ADAMTS5: variants seen among roughly 807,000 people sequenced by gnomAD.
ADAMTS5 encodes the protein ADAM metallopeptidase with thrombospondin type 1 motif 5, also known as A disintegrin and metalloproteinase with thrombospondin motifs 5.
Under a neutral mutation model 81.4 loss-of-function variants are expected in ADAMTS5, and 54 were observed. The ratio of observed to expected loss-of-function variants is 0.66; its 90% confidence interval spans 0.53 to 0.83. The LOEUF (loss-of-function observed/expected upper bound fraction) is 0.83, where lower values mean the gene tolerates loss of function less well. Ranked by LOEUF, ADAMTS5 falls within the 40% of genes least tolerant of loss-of-function variation. The pLI is 0.00. For missense variants in ADAMTS5, 1,194 were observed against 1,229.9 expected, an observed-to-expected ratio of 0.97 and a Z score of 0.44; for synonymous variants, 532 against 508.8, an observed-to-expected ratio of 1.05 and a Z score of -0.61.
At chr21:26,965,205 G>C in intron 1 of ADAMTS5, 83 bp downstream of exon 1, 4 of 1,521,912 alleles carry the variant, frequency 2.6e-6, no homozygotes, top group South Asian at 1.3e-5. Context: ...AGGTTTGAGG[G>C]AGAAGCAAAG....
intron 3 of ADAMTS5, among the ~76,000 whole-genome samples, chr21:26,939,999 C>T (rs1402163925): frequency 6.6e-6 from 1 of 152,172 alleles, no homozygotes; most frequent in East Asian, 1.9e-4. Flanking sequence ...GGTTTTTCAA[C>T]CATAACCTAA....
At chr21:26,949,258 T>A (rs140704436) in intron 2 of ADAMTS5, among the ~76,000 whole-genome samples, 1 of 151,580 alleles carries the variant, frequency 6.6e-6, no homozygotes, top group Non-Finnish European at 1.5e-5. Flanking sequence ...TGTGCAGTCA[T>A]GCTATCAAAG....
Position 26,924,431 on chromosome 21 carries a change from G to GACT in ADAMTS5, c.2412_2414dup (p.Val805dup). 6.2e-7 allele frequency: 1 copy of GACT among 1,614,212 alleles called. No individual in the cohort carries two copies. The highest frequency in any genetic ancestry group is 8.5e-7 in the Non-Finnish European group (1 of 1,180,042). ...TGTGGCTCCAACCGCTATAGTTCAT[G>GACT]ACTGTTCCATTGATGTCAATGATAG... On this transcript the variant is annotated inframe_insertion, in exon 8 of 8. Coordinates refer to ENST00000284987, the MANE Select transcript of ADAMTS5 (RefSeq NM_007038.5).
At position 26,966,868 on chromosome 21, in the gene ADAMTS5, C is replaced by T. The variant is rs1987697483; in HGVS notation, c.-477G>A. ...TGGAGGTTCCAAGCTCCGGGGCCCA[C>T]TTCCTTTCTTATTTTGTGGGTTTCC... On this transcript the variant is annotated 5_prime_UTR_variant, in exon 1 of 8. The change creates a new upstream start codon in the 5' untranslated region. Coordinates refer to ENST00000284987, the MANE Select transcript of ADAMTS5 (RefSeq NM_007038.5). Among the ~76,000 whole-genome samples the T allele has an allele frequency of 6.6e-6, 1 of 152,138 alleles. No individual in the cohort carries two copies. The highest frequency in any genetic ancestry group is 2.4e-5 in the African/African-American group (1 of 41,426).
At chr21:26,957,713 T>C (rs1392579354) in intron 1 of ADAMTS5, among the ~76,000 whole-genome samples, 1 of 152,182 alleles carries the variant, frequency 6.6e-6, no homozygotes, top group African/African-American at 2.4e-5. Flanking sequence ...ATATGAAGGT[T>C]GCAAAGGTTG....
chr21:26,935,317 G>T (rs183027851), intron 3 of ADAMTS5, among the ~76,000 whole-genome samples: 81 of 152,138 alleles, frequency 5.3e-4, no homozygotes, highest in Non-Finnish European at 8.5e-4. Flanking sequence ...ACAAGCATTT[G>T]TTCAGCACCT....
chr21:26,949,889 G>A (rs1030822739), intron 2 of ADAMTS5, among the ~76,000 whole-genome samples: 1 of 152,190 alleles, frequency 6.6e-6, no homozygotes, highest in Non-Finnish European at 1.5e-5. Flanking sequence ...CTGATTCTGT[G>A]TATTTGGATT....
chr21:26,951,992 A>G (rs1431591156), intron 2 of ADAMTS5, among the ~76,000 whole-genome samples: 3 of 152,196 alleles, frequency 2.0e-5, no homozygotes. Flanking sequence ...AGTGAAATTA[A>G]AGAATAATAA....
intron 3 of ADAMTS5, among the ~76,000 whole-genome samples, chr21:26,941,001 GTA>G (rs1308833446): frequency 1.3e-5 from 2 of 152,100 alleles, no homozygotes; most frequent in Non-Finnish European, 2.9e-5. Context: ...CTGAATCTGA[GTA>G]TGCTCTTTTG....
At chr21:26,963,864 C>T (rs1475803483) in intron 1 of ADAMTS5, among the ~76,000 whole-genome samples, 2 of 151,996 alleles carry the variant, frequency 1.3e-5, no homozygotes, top group Admixed American at 1.3e-4. Flanking sequence ...CAGCACTGCG[C>T]GCTGCTTGGC....
chr21:26,966,027 G>A lies in ADAMTS5; in HGVS notation c.365C>T (p.Ala122Val), dbSNP rs1460796146. The A allele has an allele frequency of 1.3e-5, 21 of 1,613,024 alleles. No individual in the cohort carries two copies. Among genetic ancestry groups the A allele is most frequent in the Non-Finnish European group, 1.8e-5 (21 of 1,179,886 alleles). ...GFVPAGGGTS[A>V]PWRHRSHCFY... ...GCAGTGGCTCCGGTGGCGCCAGGGC[G>A]CACTCGTCCCGCCTCCTGCGGGCAC... The change falls in exon 1 of 8, where the codon GCG (alanine) becomes GTG (valine). Residue 122 changes from alanine to valine, a missense_variant. Around this residue, in one of 2 missense-constraint regions of ADAMTS5, gnomAD observed 498 missense variants for 412.3 expected, o/e 1.21. Transcript: ENST00000284987.
chr21:26,938,826 C>T (rs554219676), intron 3 of ADAMTS5, among the ~76,000 whole-genome samples: 59 of 152,136 alleles, frequency 3.9e-4, no homozygotes, highest in Admixed American at 3.0e-3. Flanking sequence ...CCACCATGCC[C>T]GGTCTCAAAG....
chr21:26,945,197 T>A (rs1300380790), intron 2 of ADAMTS5, among the ~76,000 whole-genome samples: 5 of 151,810 alleles, frequency 3.3e-5, no homozygotes, highest in Non-Finnish European at 1.5e-5. Flanking sequence ...TAGAAATGAC[T>A]TAAAGTTACT....
At chr21:26,959,089 A>C (rs1987479564) in intron 1 of ADAMTS5, among the ~76,000 whole-genome samples, 1 of 152,194 alleles carries the variant, frequency 6.6e-6, no homozygotes, top group African/African-American at 2.4e-5. Flanking sequence ...TTTCTCTGAC[A>C]AATGTGAGGT....
chr21:26,947,414 ATTTTCTTT>A (rs936800877), intron 2 of ADAMTS5, among the ~76,000 whole-genome samples: 3 of 150,960 alleles, frequency 2.0e-5, no homozygotes, highest in East Asian at 2.0e-4. Flanking sequence ...AACTATATTT[ATTTTCTTT>A]TTTTCTTTTT....
intron 1 of ADAMTS5, among the ~76,000 whole-genome samples, chr21:26,960,273 C>T (rs75700354): frequency 0.018 from 2,744 of 152,246 alleles, 81 homozygotes; most frequent in African/African-American, 0.061. Context: ...CTACTTAGAC[C>T]AGAAGGTTCA....
chr21:26,941,179 T>A (rs920475564), intron 3 of ADAMTS5, among the ~76,000 whole-genome samples: 13 of 152,094 alleles, frequency 8.5e-5, no homozygotes, highest in African/African-American at 2.9e-4. Context: ...TATTCAAAAG[T>A]GAGAAAGTCT....
At chr21:26,931,971 C>T in intron 6 of ADAMTS5, 33 bp downstream of exon 6, 1 of 1,564,670 alleles carries the variant, frequency 6.4e-7, no homozygotes, top group Non-Finnish European at 8.7e-7. Flanking sequence ...CACCAGTACG[C>T]CTACTGCTTC....
At chr21:26,961,147 TTCTC>T (rs1987522441) in intron 1 of ADAMTS5, among the ~76,000 whole-genome samples, 1 of 152,250 alleles carries the variant, frequency 6.6e-6, no homozygotes, top group Non-Finnish European at 1.5e-5. Flanking sequence ...CAGGACTGTC[TTCTC>T]TGTCTGCCAT....
Sources: gnomAD v4.1 joint callset for allele counts (sites outside exome capture counted in the v4.1 genomes callset) on GRCh38, gnomAD v4.1.1 for gene constraint, gnomAD v4.1.1 regional missense constraint, MANE v1.5 for transcripts, NCBI Gene and HGNC (gene_info 2026-07-23, HGNC 2026-07-21) for gene names.